The following CDH4 variants were observed in gnomAD, a reference collection of about 807,000 sequenced individuals.
CDH4 encodes cadherin 4.
CDH4 carries 33 observed loss-of-function variants against 86.0 expected under a neutral mutation model. That is an observed-to-expected ratio of 0.38 (90% CI 0.29 to 0.51). CDH4 has a LOEUF of 0.51. CDH4 is among the 20% of genes least tolerant of loss of function. The probability of loss-of-function intolerance (pLI) is 0.86; values close to 1 mark genes in which losing one functional copy is unlikely to be tolerated. For missense variants in CDH4, 1,114 were observed against 1,307.4 expected, an observed-to-expected ratio of 0.85 and a Z score of 2.28; for synonymous variants, 555 against 549.4, an observed-to-expected ratio of 1.01 and a Z score of -0.14.
intron 2 of CDH4, among the ~76,000 whole-genome samples, chr20:61,431,788 G>A (rs1328192553): frequency 1.3e-5 from 2 of 152,108 alleles, no homozygotes; most frequent in African/African-American, 4.8e-5. Flanking sequence ...TTTGCCCCTT[G>A]GACAGTCTCT....
intron 2 of CDH4, among the ~76,000 whole-genome samples, chr20:61,465,004 C>T: frequency 6.6e-6 from 1 of 152,064 alleles, no homozygotes. Flanking sequence ...TTAAGTAGGC[C>T]CTAAAAGTGC....
chr20:61,689,188 G>A (rs2087624312), intron 2 of CDH4, among the ~76,000 whole-genome samples: 1 of 151,860 alleles, frequency 6.6e-6, no homozygotes, highest in Non-Finnish European at 1.5e-5. Flanking sequence ...TGTGGAATCA[G>A]GCTGGGACAG....
chr20:61,620,182 G>GTGGATGGA (rs2086760603), intron 2 of CDH4, among the ~76,000 whole-genome samples: 1 of 146,798 alleles, frequency 6.8e-6, no homozygotes, highest in African/African-American at 2.6e-5. Context: ...GGATGGGTGG[G>GTGGATGGA]TGGGTGGATG....
intron 2 of CDH4, among the ~76,000 whole-genome samples, chr20:61,650,519 A>G (rs1452366233): frequency 6.6e-6 from 1 of 152,222 alleles, no homozygotes; most frequent in Non-Finnish European, 1.5e-5. Context: ...GTATCTTCAT[A>G]TTAGCCAGGA....
At position 61,923,618 on chromosome 20, in the gene CDH4, C is replaced by T. The variant is rs151181195; in HGVS notation, c.1542C>T (p.Ile514=). Residue 514 remains isoleucine (I), a synonymous_variant, in exon 10 of 16, where the codon ATC becomes ATT. Transcript: ENST00000614565. ...APYFPSNHKL[I]RLEEGVPPGT... is the part of the protein sequence containing the mutation. Reference sequence around the variant, plus strand: ...ACTTCCCCTCAAACCACAAGCTGATCCGCCTGGAGGAGGGCGTGCCCCCCG... The same window carrying T: ...ACTTCCCCTCAAACCACAAGCTGATTCGCCTGGAGGAGGGCGTGCCCCCCG... 6.2e-7 allele frequency: 1 copy of T among 1,614,036 alleles called. No homozygotes were observed. Among genetic ancestry groups the T allele is most frequent in the African/African-American group, 1.3e-5 (1 of 74,948 alleles).
At chr20:61,903,923 CT>C (rs2054757140) in intron 8 of CDH4, among the ~76,000 whole-genome samples, 1 of 152,262 alleles carries the variant, frequency 6.6e-6, no homozygotes, top group African/African-American at 2.4e-5. Context: ...TGAGACAGGC[CT>C]GTCTCCTTGC....
intron 13 of CDH4, among the ~76,000 whole-genome samples, chr20:61,932,776 C>T (rs111462264): frequency 2.6e-5 from 4 of 152,364 alleles, no homozygotes; most frequent in African/African-American, 7.2e-5. Flanking sequence ...GCACGTGGGC[C>T]GCACATGTGC....
intron 2 of CDH4, among the ~76,000 whole-genome samples, chr20:61,502,456 A>G (rs1313247007): frequency 6.6e-6 from 1 of 152,138 alleles, no homozygotes; most frequent in Non-Finnish European, 1.5e-5. Flanking sequence ...TGGTTCAAGA[A>G]GTGTTTTGGG....
At chr20:61,503,792 T>C (rs910341608) in intron 2 of CDH4, among the ~76,000 whole-genome samples, 1 of 152,250 alleles carries the variant, frequency 6.6e-6, no homozygotes, top group African/African-American at 2.4e-5. Context: ...ACAATTTGTA[T>C]TGAATGTTAT....
Position 61,928,205 on chromosome 20 carries a change from G to C in CDH4, c.1787G>C (p.Ser596Thr), listed in dbSNP as rs1468863780. 1.2e-5 allele frequency: 20 copies of C among 1,601,192 alleles called. No individual in the cohort carries two copies. Among genetic ancestry groups the C allele is most frequent in the Non-Finnish European group, 1.6e-5 (19 of 1,179,808 alleles). ...LAADNGIPPA[S>T]GTGTLQIYLI... ...TGTTCCACAGGGATACCCCCGGCCAGCGGCACCGGGACCCTCCAGATCTAT... is the reference window on the plus strand; with the variant it reads ...TGTTCCACAGGGATACCCCCGGCCACCGGCACCGGGACCCTCCAGATCTAT... The change falls in exon 12 of 16, where the codon AGC becomes ACC. Residue 596 changes from serine to threonine, a missense_variant. Physicochemically the swap from Ser to Thr is moderately conservative, Grantham distance 58. This residue lies in a region of CDH4 where 705 missense variants were observed against 914.1 expected (regional missense o/e 0.77). Coordinates refer to ENST00000614565, the MANE Select transcript of CDH4 (RefSeq NM_001794.5).
intron 4 of CDH4, among the ~76,000 whole-genome samples, chr20:61,776,481 G>A (rs553054257): frequency 3.3e-5 from 5 of 152,170 alleles, no homozygotes; most frequent in Admixed American, 2.0e-4. Context: ...TCCTGTTCTG[G>A]GGTCTGTGGC....
chr20:61,477,890 A>C (rs1315487264), intron 2 of CDH4, among the ~76,000 whole-genome samples: 3 of 152,214 alleles, frequency 2.0e-5, no homozygotes, highest in African/African-American at 7.2e-5. Context: ...CTCATTCTGT[A>C]GAAGGTTTCA....
chr20:61,867,934 C>G (rs554692550), intron 6 of CDH4, among the ~76,000 whole-genome samples: 21 of 152,302 alleles, frequency 1.4e-4, no homozygotes, highest in African/African-American at 4.8e-4. Context: ...AGGCTCTTCT[C>G]TGTGAGGAAG....
In CDH4 at chr20:61,937,767, C is replaced by T. The variant is rs915913353; in HGVS notation, c.*824C>T. 5 of 151,790 alleles carry T rather than the reference C, an allele frequency of 3.3e-5. No individual in the cohort carries two copies. Among genetic ancestry groups the T allele is most frequent in the African/African-American group, 1.2e-4 (5 of 41,370 alleles). The allele number at this position is 151,790 out of a possible 1,614,324, so 9.4% of individuals were successfully genotyped here. A position where few individuals can be genotyped will look rare whatever the true frequency, so the allele number is the denominator to read the frequency against. On this transcript the variant is annotated 3_prime_UTR_variant, in exon 16 of 16. Coordinates refer to ENST00000614565, the MANE Select transcript of CDH4 (RefSeq NM_001794.5). ...GGACACCTGTCACCCTGAGTGCCACCAGGTCCCCTCTGCCTTTGGTCCAGA... is the reference window on the plus strand; with the variant it reads ...GGACACCTGTCACCCTGAGTGCCACTAGGTCCCCTCTGCCTTTGGTCCAGA...
At chr20:61,575,204 A>G (rs111826881) in intron 2 of CDH4, among the ~76,000 whole-genome samples, 1 of 152,136 alleles carries the variant, frequency 6.6e-6, no homozygotes, top group South Asian at 2.1e-4. Context: ...GTTTCTCTCT[A>G]TTTCCACTAC....
At chr20:61,561,017 G>T (rs1033730999) in intron 2 of CDH4, among the ~76,000 whole-genome samples, 8 of 152,200 alleles carry the variant, frequency 5.3e-5, no homozygotes, top group African/African-American at 1.7e-4. Flanking sequence ...TCAGGCCATT[G>T]ATTATGCCCC....
rs1165311379 is a variant in CDH4, at chr20:61,301,020, T to TAATCCCATTAACTTC, written c.169+46086_169+46100dup. 6.6e-5 allele frequency among the ~76,000 whole-genome samples: 10 copies of TAATCCCATTAACTTC among 152,314 alleles called. No individual in the cohort carries two copies. In the South Asian group the frequency reaches 2.1e-3, roughly 32 times the overall value. The stretch of plus-strand genomic sequence containing the variant: ...GGCAGCCGTGGACTCACCCCACGGT[T>TAATCCCATTAACTTC]AATCCCATTAACTTCAAAGCTCACG... On this transcript the variant is annotated intron_variant, in intron 2 of 15. Transcript: ENST00000614565.
chr20:61,469,010 C>T (rs2085488186), intron 2 of CDH4, among the ~76,000 whole-genome samples: 2 of 152,184 alleles, frequency 1.3e-5, no homozygotes, highest in Admixed American at 6.5e-5. Flanking sequence ...AATAGTGCTA[C>T]AAGAAACATG....
intron 2 of CDH4, among the ~76,000 whole-genome samples, chr20:61,345,522 A>T (rs1470521821): frequency 6.6e-6 from 1 of 152,272 alleles, no homozygotes; most frequent in African/African-American, 2.4e-5. Context: ...CCATGCCTTT[A>T]TGGAATACCC....
Sources: gnomAD v4.1 joint callset for allele counts (sites outside exome capture counted in the v4.1 genomes callset) on GRCh38, gnomAD v4.1.1 for gene constraint, gnomAD v4.1.1 regional missense constraint, MANE v1.5 for transcripts, NCBI Gene and HGNC (gene_info 2026-07-23, HGNC 2026-07-21) for gene names.